Variants in SCN3A observed in about 807,000 individuals in gnomAD.
SCN3A encodes the protein sodium voltage-gated channel alpha subunit 3.
In SCN3A, 60 loss-of-function variants were observed where a neutral mutation model predicts 187.6. The ratio of observed to expected loss-of-function variants is 0.32; its 90% confidence interval spans 0.26 to 0.40. The LOEUF is 0.40. Ranked by LOEUF, SCN3A falls within the 10% of genes least tolerant of loss-of-function variation. The pLI is 1.00. For synonymous variants in SCN3A, 788 were observed against 829.2 expected, an observed-to-expected ratio of 0.95 and a Z score of 0.85; for missense variants, 1,601 against 2,428.2, an observed-to-expected ratio of 0.66 and a Z score of 7.16.
intron 18 of SCN3A, among the ~76,000 whole-genome samples, chr2:165,118,561 A>G (rs564369672): frequency 1.3e-5 from 2 of 152,270 alleles, no homozygotes; most frequent in South Asian, 4.1e-4. Context: ...CCCAAGTTGA[A>G]GAATCTGCCT....
intron 21 of SCN3A, among the ~76,000 whole-genome samples, chr2:165,111,778 T>C (rs1402671571): frequency 6.6e-6 from 1 of 152,222 alleles, no homozygotes. Context: ...CATTTGTGCA[T>C]AGCTTTTCAG....
intron 21 of SCN3A, among the ~76,000 whole-genome samples, chr2:165,109,215 G>A (rs997445787): frequency 1.3e-5 from 2 of 152,002 alleles, no homozygotes; most frequent in Admixed American, 6.6e-5. Flanking sequence ...AAATGTTATA[G>A]TGTCCCCAGA....
intron 8 of SCN3A, 88 bp from the exon 9 acceptor site, chr2:165,162,459 T>A: frequency 6.3e-7 from 1 of 1,593,030 alleles, no homozygotes. Context: ...ACTATTTCAG[T>A]TATTTACAAA....
At chr2:165,128,769 G>A (rs1687144933) in intron 17 of SCN3A, among the ~76,000 whole-genome samples, 1 of 150,940 alleles carries the variant, frequency 6.6e-6, no homozygotes, top group South Asian at 2.1e-4. Context: ...ACCCACATAA[G>A]TTACTTTTCT....
At chr2:165,155,997 T>G in intron 9 of SCN3A, 94 bp from the exon 10 acceptor site, 1 of 1,441,892 alleles carries the variant, frequency 6.9e-7, no homozygotes, top group East Asian at 2.3e-5. Context: ...CCAAAGCTGC[T>G]ATCTGTGACG....
chr2:165,166,052 A>C, intron 5 of SCN3A, among the ~76,000 whole-genome samples: 1 of 152,212 alleles, frequency 6.6e-6, no homozygotes, highest in South Asian at 2.1e-4. Flanking sequence ...GGCCTTTTAA[A>C]GGCCTAGAAA....
chr2:165,173,452 A>G (rs1311886979), intron 3 of SCN3A, among the ~76,000 whole-genome samples: 1 of 152,158 alleles, frequency 6.6e-6, no homozygotes, highest in Non-Finnish European at 1.5e-5. Context: ...GGTTCACTAT[A>G]TAGTAAATGA....
At chr2:165,177,886 A>G (rs1398299415) in intron 2 of SCN3A, among the ~76,000 whole-genome samples, 1 of 152,220 alleles carries the variant, frequency 6.6e-6, no homozygotes, top group Middle Eastern at 3.2e-3. Flanking sequence ...CAAACCAAAT[A>G]AAATAAGTAC....
intron 15 of SCN3A, among the ~76,000 whole-genome samples, chr2:165,137,071 G>GA (rs1187066659): frequency 6.6e-6 from 1 of 152,116 alleles, no homozygotes; most frequent in Non-Finnish European, 1.5e-5. Context: ...TTGTAGGATG[G>GA]AAAATCAGTG....
intron 2 of SCN3A, 74 bp from the exon 3 acceptor site, chr2:165,176,518 AT>A: frequency 2.6e-6 from 3 of 1,144,156 alleles, no homozygotes; most frequent in Non-Finnish European, 3.9e-6. Flanking sequence ...CCAAAATGTC[AT>A]TTTTTAGTAA....
At chr2:165,094,870 A>G (rs1685289359) in intron 25 of SCN3A, among the ~76,000 whole-genome samples, 1 of 152,214 alleles carries the variant, frequency 6.6e-6, no homozygotes, top group Non-Finnish European at 1.5e-5. Context: ...ATAAATATAT[A>G]AGATACAGTA....
intron 9 of SCN3A, 80 bp downstream of exon 9, chr2:165,162,228 T>C (rs1285247807): frequency 3.1e-6 from 4 of 1,276,136 alleles, no homozygotes; most frequent in Non-Finnish European, 4.5e-6. Context: ...GCTACACATA[T>C]AACCATGTAG....
chr2:165,186,618 C>T lies in SCN3A; in HGVS notation c.-118G>A, dbSNP rs1271155055. 1.3e-5 allele frequency: 2 copies of T among 152,136 alleles called. No homozygotes were observed. Among genetic ancestry groups the T allele is most frequent in the Non-Finnish European group, 2.9e-5 (2 of 68,032 alleles). 9.4% of individuals were successfully genotyped at this position (152,136 alleles called of 1,614,324 possible). A position where few individuals can be genotyped will look rare whatever the true frequency, so the allele number is the denominator to read the frequency against. On this transcript the variant is annotated 5_prime_UTR_variant, in exon 2 of 28. Coordinates refer to ENST00000283254, the MANE Select transcript of SCN3A (RefSeq NM_006922.4). ...CCTTCTGTGAATTATCTCATTTATT[C>T]TTACAATATCCCTAGAAGAGATTCT...
Position 165,147,063 on chromosome 2 carries a change from C to T in SCN3A, c.1381-34G>A, listed in dbSNP as rs58539679. ...AAACAAAGCCAGGCACTATTTAGAA[C>T]ACAGAGCTTTGAAAACAGTTGAGTA... On this transcript the variant is annotated intron_variant, in intron 11 of 27. Transcript: ENST00000283254. 0.21 allele frequency: 346,535 copies of T among 1,612,110 alleles called. 37,731 individuals are homozygous for T. Among genetic ancestry groups the T allele is most frequent in the East Asian group, 0.31 (13,688 of 44,834 alleles).
At chr2:165,172,137 C>T (rs577799133) in intron 3 of SCN3A, among the ~76,000 whole-genome samples, 29 of 152,074 alleles carry the variant, frequency 1.9e-4, no homozygotes, top group Non-Finnish European at 3.5e-4. Flanking sequence ...GTATTTAAGA[C>T]CATGGTGCCA....
chr2:165,096,335 C>T, intron 24 of SCN3A, 132 bp downstream of exon 24: 3 of 692,950 alleles, frequency 4.3e-6, no homozygotes, highest in Non-Finnish European at 7.7e-6. Context: ...TATATTGAAG[C>T]AGACTGTTCA....
At chr2:165,182,113 T>C (rs916785237) in intron 2 of SCN3A, among the ~76,000 whole-genome samples, 1 of 152,158 alleles carries the variant, frequency 6.6e-6, no homozygotes, top group African/African-American at 2.4e-5. Flanking sequence ...AAAAGACAAA[T>C]GCCATTTTGG....
Position 165,124,019 on chromosome 2 carries a change from T to C in SCN3A, c.3393+3612A>G, listed in dbSNP as rs144282566. Among the ~76,000 whole-genome samples, 119 of 152,222 alleles carry C rather than the reference T, an allele frequency of 7.8e-4. 1 individual carries two copies. The East Asian group carries it at 0.022, about 28-fold the overall frequency. ...ATAATTTGAAATTTTATTCTAGCTT[T>C]ATAAAAATATATACCTTTATATTTG... is the stretch of plus-strand genomic sequence containing the variant. On this transcript the variant is annotated intron_variant, in intron 18 of 27. Transcript: ENST00000283254.
intron 26 of SCN3A, chr2:165,094,070 A>G (rs778865793): frequency 2.3e-5 from 9 of 383,226 alleles, no homozygotes; most frequent in Non-Finnish European, 3.4e-5. Context: ...TGGGAAGGCT[A>G]GAGGAGGAGG....
Sources: allele counts gnomAD v4.1 joint callset (sites outside exome capture counted in the v4.1 genomes callset), GRCh38; gene constraint gnomAD v4.1.1; transcripts MANE v1.5; gene names NCBI Gene and HGNC (gene_info 2026-07-23, HGNC 2026-07-21).